The following AMBRA1 variants were observed in gnomAD, a reference collection of about 807,000 sequenced individuals.
AMBRA1 encodes the protein activating molecule in BECN1-regulated autophagy protein 1.
A neutral mutation model predicts 125.4 loss-of-function variants in AMBRA1; 47 were observed. The ratio of observed to expected loss-of-function variants is 0.37; its 90% CI spans 0.30 to 0.48. AMBRA1 has a LOEUF of 0.48. Ranked by LOEUF, AMBRA1 falls within the 20% of genes least tolerant of loss-of-function variation. The probability of loss-of-function intolerance (pLI) is 0.99; values close to 1 mark genes in which losing one functional copy is unlikely to be tolerated. For missense variants in AMBRA1, 1,331 were observed against 1,693.4 expected (o/e 0.79, Z 3.76); for synonymous variants, 626 against 655.5 (o/e 0.95, Z 0.69).
chr11:46,493,659 G>A lies in AMBRA1; in HGVS notation c.2470C>T (p.Arg824Cys). 1.9e-6 allele frequency: 3 copies of A among 1,604,248 alleles called. No homozygotes were observed. The highest frequency in any genetic ancestry group is 1.7e-6 in the Non-Finnish European group (2 of 1,177,390). The stretch of plus-strand genomic sequence containing the variant: ...TGAGTAGCCAAGCCAGGCTGTCCAC[G>A]TTCATGAAAAATCCCAGCATAAGGC... ...YLPYAGIFHE[R>C]GQPGLATHSS... Residue 824 changes from arginine to cysteine, a missense_variant, in exon 11 of 18, where the codon CGT (arginine) becomes TGT (cysteine). Around this residue, in one of 4 missense-constraint regions of AMBRA1, gnomAD observed 354 missense variants for 532.7 expected, o/e 0.66. Coordinates refer to ENST00000683756, the MANE Select transcript of AMBRA1 (RefSeq NM_001387011.1).
intron 1 of AMBRA1, among the ~76,000 whole-genome samples, chr11:46,553,751 A>G (rs1389567980): frequency 1.3e-5 from 2 of 152,018 alleles, no homozygotes; most frequent in Non-Finnish European, 2.9e-5. Context: ...TCTCAAAAAA[A>G]AAACACAAAA....
At chr11:46,517,830 C>CAAAAAAAAAAA (rs202001744) in intron 7 of AMBRA1, among the ~76,000 whole-genome samples, 1 of 77,916 alleles carries the variant, frequency 1.3e-5, no homozygotes, top group African/African-American at 4.2e-5. Context: ...GACTCTGTCT[C>CAAAAAAAAAAA]AAAAAAAAAA....
intron 11 of AMBRA1, among the ~76,000 whole-genome samples, chr11:46,482,999 ACT>A (rs1471195951): frequency 1.4e-5 from 2 of 147,600 alleles, no homozygotes; most frequent in Non-Finnish European, 3.0e-5. Flanking sequence ...AAAGAGTGAG[ACT>A]CTGTCTCAAA....
intron 9 of AMBRA1, chr11:46,494,435 T>C: frequency 2.2e-6 from 1 of 447,640 alleles, no homozygotes. Flanking sequence ...AGAGGAGGAT[T>C]TTTCTTGAGT....
At chr11:46,429,632 T>C (rs1356796553) in intron 14 of AMBRA1, among the ~76,000 whole-genome samples, 1 of 152,228 alleles carries the variant, frequency 6.6e-6, no homozygotes, top group Non-Finnish European at 1.5e-5. Flanking sequence ...TATATGACTC[T>C]TTCTGGTTTC....
chr11:46,502,858 A>G (rs1950891395), intron 9 of AMBRA1, among the ~76,000 whole-genome samples: 1 of 152,092 alleles, frequency 6.6e-6, no homozygotes, highest in Non-Finnish European at 1.5e-5. Flanking sequence ...CAGGAGTTCA[A>G]GACCATCCTG....
chr11:46,480,748 G>GA (rs995121076), intron 11 of AMBRA1, among the ~76,000 whole-genome samples: 1 of 152,072 alleles, frequency 6.6e-6, no homozygotes, highest in Non-Finnish European at 1.5e-5. Flanking sequence ...CTACATACAT[G>GA]AAAAAAATAT....
At chr11:46,413,053 C>T (rs1273431206) in intron 15 of AMBRA1, among the ~76,000 whole-genome samples, 1 of 152,214 alleles carries the variant, frequency 6.6e-6, no homozygotes, top group Middle Eastern at 3.2e-3. Flanking sequence ...TACAACAAAC[C>T]ATGTACTTCC....
intron 7 of AMBRA1, among the ~76,000 whole-genome samples, chr11:46,541,418 CATAT>C (rs1001619981): frequency 2.6e-5 from 4 of 152,082 alleles, no homozygotes; most frequent in African/African-American, 9.7e-5. Flanking sequence ...CATATATATA[CATAT>C]ATGTATTTTT....
rs543760300 is a variant in AMBRA1, at chr11:46,571,687, CTT to C, written c.-121+22139_-121+22140del. On this transcript the variant is annotated intron_variant, in intron 1 of 17. Coordinates refer to ENST00000683756, the MANE Select transcript of AMBRA1 (RefSeq NM_001387011.1). ...TGAGTCCGTGTCTCAATCAATCAAT[CTT>C]TTTTTTTTTTTTTTTTTGAGACAAA... Among the ~76,000 whole-genome samples the C allele has an allele frequency of 2.8e-3, 349 of 123,858 alleles. 1 individual carries two copies. Among genetic ancestry groups the C allele is most frequent in the African/African-American group, 3.1e-3 (102 of 32,396 alleles). The allele number at this position is 123,858 out of a possible 152,430, so 81.3% of individuals were successfully genotyped here.
intron 11 of AMBRA1, among the ~76,000 whole-genome samples, chr11:46,461,571 T>G (rs1015880391): frequency 1.1e-4 from 16 of 152,202 alleles, no homozygotes; most frequent in African/African-American, 3.1e-4. Context: ...AGTTAAATAC[T>G]TGGGGATGTG....
At chr11:46,498,144 T>C (rs532181301) in intron 9 of AMBRA1, among the ~76,000 whole-genome samples, 10 of 152,058 alleles carry the variant, frequency 6.6e-5, no homozygotes, top group African/African-American at 2.2e-4. Flanking sequence ...ATTTGCCAGA[T>C]GAAAAGTGAG....
At chr11:46,557,930 C>T (rs1342662114) in intron 1 of AMBRA1, among the ~76,000 whole-genome samples, 1 of 152,152 alleles carries the variant, frequency 6.6e-6, no homozygotes, top group Non-Finnish European at 1.5e-5. Context: ...CCAGCTTGTG[C>T]CACTACACTC....
In AMBRA1 at chr11:46,544,098, AAGAGG is replaced by A. The variant is rs1952884172; in HGVS notation, c.552-62_552-58del. Reference sequence around the variant, plus strand: ...ACATAGAGAGATTATGTTAACTGAGAAGAGGAAACTTGTGTTTGAATTTATAGCAA... The same window carrying A: ...ACATAGAGAGATTATGTTAACTGAGAAAACTTGTGTTTGAATTTATAGCAA... On this transcript the variant is annotated intron_variant, in intron 5 of 17. Transcript: ENST00000683756. The A allele has an allele frequency of 2.1e-6, 3 of 1,397,948 alleles. No homozygotes were observed. In the African/African-American group the frequency reaches 4.3e-5, roughly 20 times the overall value. 86.6% of individuals were successfully genotyped at this position (1,397,948 alleles called of 1,614,324 possible). A position where few individuals can be genotyped will look rare whatever the true frequency, so the allele number is the denominator to read the frequency against.
intron 11 of AMBRA1, among the ~76,000 whole-genome samples, chr11:46,482,051 G>C (rs1195968527): frequency 6.6e-6 from 1 of 152,230 alleles, no homozygotes; most frequent in African/African-American, 2.4e-5. Context: ...GTCAGGTAAT[G>C]TGATGTGATG....
chr11:46,486,643 C>A (rs1267915215), intron 11 of AMBRA1, among the ~76,000 whole-genome samples: 2 of 152,152 alleles, frequency 1.3e-5, no homozygotes, highest in Non-Finnish European at 1.5e-5. Flanking sequence ...CAGTGGCTCA[C>A]ACCTGTAATC....
At chr11:46,453,767 T>C (rs1030509529) in intron 11 of AMBRA1, among the ~76,000 whole-genome samples, 4 of 152,286 alleles carry the variant, frequency 2.6e-5, no homozygotes, top group African/African-American at 7.2e-5. Context: ...AATTCTGGCA[T>C]AGGAAATGTT....
chr11:46,570,823 C>T (rs1335711899), intron 1 of AMBRA1, among the ~76,000 whole-genome samples: 1 of 152,118 alleles, frequency 6.6e-6, no homozygotes, highest in Non-Finnish European at 1.5e-5. Flanking sequence ...ATCTGCTGAT[C>T]TTGGTTCAAC....
At chr11:46,563,140 C>T (rs930816758) in intron 1 of AMBRA1, among the ~76,000 whole-genome samples, 5 of 152,142 alleles carry the variant, frequency 3.3e-5, no homozygotes, top group Non-Finnish European at 7.4e-5. Context: ...CAAGGTAGAT[C>T]ACACCTGTAA....
Sources: gnomAD v4.1 joint callset for allele counts (sites outside exome capture counted in the v4.1 genomes callset) on GRCh38, gnomAD v4.1.1 for gene constraint, gnomAD v4.1.1 regional missense constraint, MANE v1.5 for transcripts, NCBI Gene and HGNC (gene_info 2026-07-23, HGNC 2026-07-21) for gene names.